The following NFKB1 variants were observed in gnomAD, a reference collection of about 807,000 sequenced individuals.
NFKB1 encodes nuclear factor NF-kappa-B p105 subunit.
Under a neutral mutation model 105.1 loss-of-function variants are expected in NFKB1, and 9 were observed. That is an observed-to-expected ratio of 0.09 (90% CI 0.05 to 0.15). NFKB1 has a LOEUF of 0.15. Ranked by LOEUF, NFKB1 falls within the 10% of genes least tolerant of loss-of-function variation. The pLI is 1.00. For synonymous variants in NFKB1, 440 were observed against 442.2 expected, an observed-to-expected ratio of 1.00 and a Z score of 0.06; for missense variants, 830 against 1,203.7, an observed-to-expected ratio of 0.69 and a Z score of 4.59.
At chr4:102,519,135 T>C (rs112352239) in intron 1 of NFKB1, among the ~76,000 whole-genome samples, 1 of 152,038 alleles carries the variant, frequency 6.6e-6, no homozygotes, top group African/African-American at 2.4e-5. Flanking sequence ...GTTGGCATAG[T>C]AGGCATAAAT....
At chr4:102,615,960 G>A (rs1417386049) in intron 23 of NFKB1, among the ~76,000 whole-genome samples, 1 of 152,132 alleles carries the variant, frequency 6.6e-6, no homozygotes, top group Non-Finnish European at 1.5e-5. Flanking sequence ...TACTTTTATT[G>A]CTACCAAAAA....
intron 1 of NFKB1, among the ~76,000 whole-genome samples, chr4:102,512,007 T>C (rs1352521220): frequency 6.6e-6 from 1 of 151,948 alleles, no homozygotes; most frequent in Non-Finnish European, 1.5e-5. Flanking sequence ...GAATTCATTA[T>C]TCCAAGGTGC....
intron 3 of NFKB1, among the ~76,000 whole-genome samples, chr4:102,530,743 A>G (rs1741234455): frequency 6.6e-6 from 1 of 152,208 alleles, no homozygotes; most frequent in Non-Finnish European, 1.5e-5. Context: ...ATTTAAAATT[A>G]TCATGGTTAC....
chr4:102,587,887 G>T (rs941606325), intron 11 of NFKB1, among the ~76,000 whole-genome samples: 1 of 152,136 alleles, frequency 6.6e-6, no homozygotes, highest in African/African-American at 2.4e-5. Flanking sequence ...TTTAGCATTA[G>T]AGTAAGTAGA....
chr4:102,591,392 C>T (rs1430333360), intron 11 of NFKB1, among the ~76,000 whole-genome samples: 4 of 141,970 alleles, frequency 2.8e-5, no homozygotes, highest in African/African-American at 1.0e-4. Flanking sequence ...TGCACTCCAG[C>T]CTGGGCAACA....
At chr4:102,510,785 T>A (rs1033426919) in intron 1 of NFKB1, 3 of 238,818 alleles carry the variant, frequency 1.3e-5, no homozygotes, top group Admixed American at 5.7e-5. Flanking sequence ...AAATGCTAGA[T>A]TGATTCAAGG....
intron 5 of NFKB1, among the ~76,000 whole-genome samples, chr4:102,541,900 A>G (rs1395294915): frequency 1.3e-5 from 2 of 151,652 alleles, no homozygotes; most frequent in Admixed American, 6.6e-5. Flanking sequence ...GAGCGCCACC[A>G]CTCTGCGGTG....
chr4:102,524,385 C>A (rs1237239676), intron 1 of NFKB1, among the ~76,000 whole-genome samples: 2 of 151,976 alleles, frequency 1.3e-5, no homozygotes, highest in Non-Finnish European at 2.9e-5. Context: ...TTTTATTGCA[C>A]TTTTAATATT....
intron 5 of NFKB1, among the ~76,000 whole-genome samples, chr4:102,538,505 A>G (rs1006593244): frequency 6.6e-6 from 1 of 152,204 alleles, no homozygotes; most frequent in African/African-American, 2.4e-5. Context: ...AAATGTGTAC[A>G]TGTTCCATAG....
intron 1 of NFKB1, 34 bp from the exon 2 acceptor site, chr4:102,525,478 T>C: frequency 6.2e-7 from 1 of 1,601,884 alleles, no homozygotes; most frequent in Non-Finnish European, 8.5e-7. Flanking sequence ...CATTCTAGTG[T>C]TACAGTTTTG....
intron 2 of NFKB1, among the ~76,000 whole-genome samples, chr4:102,526,163 T>A (rs1183584380): frequency 6.6e-6 from 1 of 152,188 alleles, no homozygotes; most frequent in Non-Finnish European, 1.5e-5. Flanking sequence ...AATTTGTTTA[T>A]ATCTGCGAAG....
intron 6 of NFKB1, among the ~76,000 whole-genome samples, chr4:102,569,153 A>G (rs1724111904): frequency 6.6e-6 from 1 of 152,192 alleles, no homozygotes; most frequent in South Asian, 2.1e-4. Flanking sequence ...CTCTCTATAT[A>G]TACATTTTTA....
intron 19 of NFKB1, 150 bp downstream of exon 19, chr4:102,607,901 A>T: frequency 1.4e-6 from 1 of 696,306 alleles, no homozygotes; most frequent in East Asian, 2.7e-5. Flanking sequence ...ATCACATTTT[A>T]TCTGCCATAA....
chr4:102,509,876 G>T (rs537491408), intron 1 of NFKB1, among the ~76,000 whole-genome samples: 15 of 152,186 alleles, frequency 9.9e-5, no homozygotes, highest in Non-Finnish European at 7.4e-5. Flanking sequence ...TTCGCATAAT[G>T]GTCAGCTTTC....
intron 5 of NFKB1, among the ~76,000 whole-genome samples, chr4:102,553,205 C>A (rs1445602811): frequency 6.6e-6 from 1 of 152,068 alleles, no homozygotes. Context: ...GATTCTACAC[C>A]GAATGATGTC....
chr4:102,571,573 C>G (rs1578777540), intron 6 of NFKB1, among the ~76,000 whole-genome samples: 1 of 152,152 alleles, frequency 6.6e-6, no homozygotes, highest in East Asian at 1.9e-4. Flanking sequence ...AAAATTTTTA[C>G]AATGTATCCA....
In NFKB1 at chr4:102,521,397, G is replaced by A. The variant is rs75356775; in HGVS notation, c.-7-4115G>A. The stretch of plus-strand genomic sequence containing the variant: ...TTTCATCCTCATTGCTATCCAAGAT[G>A]AGGTATTAAAATCACACCTAAGTGG... On this transcript the variant is annotated intron_variant, in intron 1 of 23. Coordinates refer to ENST00000226574, the MANE Select transcript of NFKB1 (RefSeq NM_003998.4). Among the ~76,000 whole-genome samples the A allele has an allele frequency of 1.2e-4, 18 of 152,284 alleles. No homozygotes were observed. The East Asian group carries it at 3.5e-3, about 29-fold the overall frequency.
At chr4:102,522,046 A>G (rs1309644041) in intron 1 of NFKB1, among the ~76,000 whole-genome samples, 2 of 152,212 alleles carry the variant, frequency 1.3e-5, no homozygotes, top group Non-Finnish European at 2.9e-5. Flanking sequence ...TTTGGCTTCA[A>G]GGTCCTTCCT....
chr4:102,509,137 A>C (rs1199203293), intron 1 of NFKB1, among the ~76,000 whole-genome samples: 1 of 152,208 alleles, frequency 6.6e-6, no homozygotes, highest in Non-Finnish European at 1.5e-5. Flanking sequence ...AATCAAAAGC[A>C]CAGCAGTCCA....
Sources: gnomAD v4.1 joint callset for allele counts (sites outside exome capture counted in the v4.1 genomes callset) on GRCh38, gnomAD v4.1.1 for gene constraint, MANE v1.5 for transcripts, NCBI Gene and HGNC (gene_info 2026-07-23, HGNC 2026-07-21) for gene names.